Variants in SLC34A2 observed in about 807,000 individuals in gnomAD.
SLC34A2 encodes the protein solute carrier family 34 member 2.
SLC34A2 carries 41 observed loss-of-function variants against 50.8 expected under a neutral mutation model. The observed-to-expected ratio is 0.81, with a 90% CI of 0.63 to 1.05. The LOEUF is 1.05. Ranked by LOEUF, SLC34A2 falls within the 50% of genes least tolerant of loss-of-function variation. The probability of loss-of-function intolerance (pLI) is 0.00; values close to 1 mark genes in which losing one functional copy is unlikely to be tolerated. For missense variants in SLC34A2, 879 were observed against 876.7 expected (o/e 1.00, Z -0.03); for synonymous variants, 401 against 364.2 (o/e 1.10, Z -1.15).
intron 4 of SLC34A2, among the ~76,000 whole-genome samples, chr4:25,665,489 TC>T (rs1714449809): frequency 6.6e-6 from 1 of 152,176 alleles, no homozygotes; most frequent in South Asian, 2.1e-4. Flanking sequence ...GCTTCTGGGC[TC>T]CCTGGTCCAT....
rs759287315 is a variant in SLC34A2, at chr4:25,667,900, A to G, written c.544A>G (p.Ile182Val). ...TCTAGTGCTCACTGTTCGGGCTGCC[A>G]TCCCCATTATCATGGGGGCCAACAT... Reference protein sequence around the residue: ...SSSLLTVRAAIPIIMGANIGT... With the variant: ...SSSLLTVRAAVPIIMGANIGT... Residue 182 changes from isoleucine to valine, a missense_variant, in exon 6 of 13, where the codon ATC becomes GTC. Coordinates refer to ENST00000382051, the MANE Select transcript of SLC34A2 (RefSeq NM_006424.3). The G allele has an allele frequency of 1.2e-6, 2 of 1,612,324 alleles. No individual in the cohort carries two copies. Among genetic ancestry groups the G allele is most frequent in the African/African-American group, 2.7e-5 (2 of 74,888 alleles).
At chr4:25,663,597 G>A in intron 3 of SLC34A2, among the ~76,000 whole-genome samples, 1 of 152,138 alleles carries the variant, frequency 6.6e-6, no homozygotes, top group African/African-American at 2.4e-5. Context: ...GAACTAGACA[G>A]CAAGGAGGAA....
intron 8 of SLC34A2, 107 bp from the exon 9 acceptor site, chr4:25,671,494 C>T: frequency 2.2e-6 from 3 of 1,344,790 alleles, no homozygotes; most frequent in South Asian, 2.3e-5. Flanking sequence ...GGCCATACTG[C>T]ATGCACCATG....
intron 1 of SLC34A2, among the ~76,000 whole-genome samples, chr4:25,661,862 C>A (rs897562347): frequency 2.6e-5 from 4 of 151,758 alleles, no homozygotes; most frequent in Admixed American, 6.6e-5. Flanking sequence ...TGGGCTTGCA[C>A]CCTGCCTTTT....
At position 25,676,333 on chromosome 4, in the gene SLC34A2, C is replaced by A. The variant is rs115500754; in HGVS notation, c.1657C>A (p.Arg553=). Residue 553 remains arginine, a synonymous_variant, in exon 13 of 13, where the codon CGG becomes AGG. Transcript: ENST00000382051. ...GTTTGGCCTCTCGCTGGCCGGCTGGCGGGTGCTGGTTGGTGTCGGGGTTCC... is the reference window on the plus strand; with the variant it reads ...GTTTGGCCTCTCGCTGGCCGGCTGGAGGGTGCTGGTTGGTGTCGGGGTTCC... ...TVFGLSLAGW[R]VLVGVGVPVV... 58 of 1,614,170 alleles carry A rather than the reference C, an allele frequency of 3.6e-5. No individual in the cohort carries two copies. The highest frequency in any genetic ancestry group is 8.3e-5 in the Admixed American group (5 of 60,020).
intron 1 of SLC34A2, among the ~76,000 whole-genome samples, chr4:25,658,091 A>G (rs1289191752): frequency 6.6e-6 from 1 of 152,188 alleles, no homozygotes; most frequent in Non-Finnish European, 1.5e-5. Flanking sequence ...ATTTGAAGCC[A>G]TTAACCTCTC....
intron 10 of SLC34A2, 63 bp from the exon 11 acceptor site, chr4:25,674,233 C>T: frequency 7.8e-7 from 1 of 1,289,072 alleles, no homozygotes; most frequent in Non-Finnish European, 1.1e-6. Flanking sequence ...CAGCCCCTAC[C>T]CCAGGCCACC....
chr4:25,662,858 G>T lies in SLC34A2; in HGVS notation c.250+16G>T. ...AAGTGGTCAGGTAAAAGTGAGGCCAGCTGAGACATTCAGGAGGGAAACTTC... is the reference window on the plus strand; with the variant it reads ...AAGTGGTCAGGTAAAAGTGAGGCCATCTGAGACATTCAGGAGGGAAACTTC... On this transcript the variant is annotated intron_variant, in intron 3 of 12. Transcript: ENST00000382051. 6.2e-7 allele frequency: 1 copy of T among 1,613,760 alleles called. No individual in the cohort carries two copies. The highest frequency in any genetic ancestry group is 8.5e-7 in the Non-Finnish European group (1 of 1,179,794).
In SLC34A2 at chr4:25,676,945, G is replaced by T; in HGVS notation, c.*196G>T. 1.5e-6 allele frequency: 1 copy of T among 659,828 alleles called. No homozygotes were observed. The highest frequency in any genetic ancestry group is 2.6e-6 in the Non-Finnish European group (1 of 379,888). 40.9% of individuals were successfully genotyped at this position (659,828 alleles called of 1,614,324 possible). Reference sequence around the variant, plus strand: ...CAGGGCACTTTTATTCCAACCCCTGGTCACTCAGTAATCTTTTACTCCAGG... The same window carrying T: ...CAGGGCACTTTTATTCCAACCCCTGTTCACTCAGTAATCTTTTACTCCAGG... On this transcript the variant is annotated 3_prime_UTR_variant, in exon 13 of 13. Transcript: ENST00000382051.
chr4:25,673,403 G>A (rs1161754201), intron 10 of SLC34A2, 149 bp downstream of exon 10: 1 of 866,844 alleles, frequency 1.2e-6, no homozygotes, highest in Non-Finnish European at 1.8e-6. Context: ...CATTCACCTG[G>A]AAATGTTCTT....
rs1715284582 is a variant in SLC34A2 at position 25,678,666 on chromosome 4, C to T, written c.*1917C>T. 1.5e-4 allele frequency: 62 copies of T among 404,676 alleles called. No homozygotes were observed. The South Asian group carries it at 2.0e-3, about 13-fold the overall frequency. The allele number at this position is 404,676 out of a possible 1,614,324, so 25.1% of individuals were successfully genotyped here. ...AAAGTGCTGAGATCACAGGCGTGAG[C>T]CACCACCAGGCCTGATTGTAATTTT... On this transcript the variant is annotated 3_prime_UTR_variant, in exon 13 of 13. Transcript: ENST00000382051.
intron 4 of SLC34A2, chr4:25,664,871 C>T (rs990218352): frequency 4.3e-6 from 1 of 233,560 alleles, no homozygotes; most frequent in Non-Finnish European, 8.4e-6. Context: ...ATGGTGATGT[C>T]AGAAACAAAC....
At chr4:25,667,851 C>CT (rs1455762454) in intron 5 of SLC34A2, 29 bp from the exon 6 acceptor site, 1 of 1,498,698 alleles carries the variant, frequency 6.7e-7, no homozygotes, top group Non-Finnish European at 9.3e-7. Flanking sequence ...CCTTTCTAAG[C>CT]TTGCTAATGG....
intron 8 of SLC34A2, 45 bp from the exon 9 acceptor site, chr4:25,671,556 C>T: frequency 1.2e-6 from 2 of 1,613,952 alleles, no homozygotes; most frequent in Non-Finnish European, 1.7e-6. Flanking sequence ...TCCCATTCCC[C>T]ACTAAAAGCC....
At chr4:25,672,055 C>G (rs1444410994) in intron 9 of SLC34A2, among the ~76,000 whole-genome samples, 1 of 152,154 alleles carries the variant, frequency 6.6e-6, no homozygotes, top group African/African-American at 2.4e-5. Flanking sequence ...CTCTAGGGGC[C>G]AGGCATGGTG....
chr4:25,661,484 T>G (rs1394895656), intron 1 of SLC34A2, among the ~76,000 whole-genome samples: 1 of 152,022 alleles, frequency 6.6e-6, no homozygotes, highest in Non-Finnish European at 1.5e-5. Context: ...GCCTCCCAGG[T>G]TCAAGCAATT....
In SLC34A2 at chr4:25,676,581, C is replaced by T. The variant is rs761804625; in HGVS notation, c.1905C>T (p.Cys635=). The change falls in exon 13 of 13, where the codon TGC becomes TGT. Residue 635 remains cysteine, a synonymous_variant. Transcript: ENST00000382051. ...GCGCGTGCTGCTTGCTGTGTGACTG[C>T]CCCAAGTGCTGCCGCTGCAGCAAGT... The part of the protein sequence containing the change: ...CCRACCLLCD[C]PKCCRCSKCC... The T allele has an allele frequency of 1.9e-6, 3 of 1,612,866 alleles. No individual in the cohort carries two copies. The highest frequency in any genetic ancestry group is 1.7e-5 in the Admixed American group (1 of 59,964).
chr4:25,669,482 A>G (rs1228834528), intron 6 of SLC34A2, among the ~76,000 whole-genome samples, 165 bp from the exon 7 acceptor site: 1 of 152,172 alleles, frequency 6.6e-6, no homozygotes, highest in Non-Finnish European at 1.5e-5. Context: ...GATACCAGCC[A>G]CTTTGGGGAT....
intron 12 of SLC34A2, 114 bp from the exon 13 acceptor site, chr4:25,676,021 A>G (rs1715087912): frequency 6.6e-7 from 1 of 1,517,212 alleles, no homozygotes; most frequent in Non-Finnish European, 8.9e-7. Flanking sequence ...AAGGCCTGGA[A>G]GGCCCGAGAC....
Sources: gnomAD v4.1 joint callset for allele counts (sites outside exome capture counted in the v4.1 genomes callset) on GRCh38, gnomAD v4.1.1 for gene constraint, MANE v1.5 for transcripts, NCBI Gene and HGNC (gene_info 2026-07-23, HGNC 2026-07-21) for gene names.